UCK2: variants seen among roughly 807,000 people sequenced by gnomAD.
The protein encoded by UCK2 is cytidine monophosphokinase 2.
Under a neutral mutation model 30.8 loss-of-function variants are expected in UCK2, and 6 were observed. The ratio of observed to expected loss-of-function variants is 0.19; its 90% CI spans 0.11 to 0.38. The LOEUF is 0.38. Among genes scored for constraint, UCK2 ranks in the 10% least tolerant of loss-of-function variants. UCK2 has a pLI of 1.00. For missense variants in UCK2, 210 were observed against 339.8 expected (o/e 0.62, Z 3.00); for synonymous variants, 125 against 133.6 (o/e 0.94, Z 0.45).
rs183001311 is a variant in UCK2, at chr1:165,867,704, C to A, written c.100-22500C>A. On this transcript the variant is annotated intron_variant, in intron 1 of 6. Coordinates refer to ENST00000367879, the MANE Select transcript of UCK2 (RefSeq NM_012474.5). Reference sequence around the variant, plus strand: ...TCAGTCACATCTTCAGGTTCCACTTCTAATTCTAGTTCTCTTGCTGTTTCC... The same window carrying A: ...TCAGTCACATCTTCAGGTTCCACTTATAATTCTAGTTCTCTTGCTGTTTCC... Among the ~76,000 whole-genome samples, 14 of 152,352 alleles carry A rather than the reference C, an allele frequency of 9.2e-5. 1 individual carries two copies. The highest frequency in any genetic ancestry group is 8.5e-4 in the Admixed American group (13 of 15,304).
At chr1:165,850,238 C>G (rs1654553493) in intron 1 of UCK2, among the ~76,000 whole-genome samples, 1 of 151,948 alleles carries the variant, frequency 6.6e-6, no homozygotes, top group Non-Finnish European at 1.5e-5. Context: ...TCAAGCGATT[C>G]TCCTGCCTCA....
At chr1:165,843,623 A>G (rs1654380735) in intron 1 of UCK2, among the ~76,000 whole-genome samples, 1 of 152,088 alleles carries the variant, frequency 6.6e-6, no homozygotes. Context: ...TACAAAAAAT[A>G]AGTAATGAGC....
Position 165,890,702 on chromosome 1 carries a change from C to T in UCK2, c.259+339C>T. 1.3e-5 allele frequency: 4 copies of T among 299,088 alleles called. No homozygotes were observed. In the South Asian group the frequency reaches 1.5e-4, roughly 12 times the overall value. 18.5% of individuals were successfully genotyped at this position (299,088 alleles called of 1,614,324 possible). On this transcript the variant is annotated intron_variant, in intron 2 of 6. Coordinates refer to ENST00000367879, the MANE Select transcript of UCK2 (RefSeq NM_012474.5). ...TCTGAGGCAGCCCTCGTCAGACCCT[C>T]CTCCTCAGGTGTACATGTGTGTTCA...
intron 4 of UCK2, among the ~76,000 whole-genome samples, chr1:165,898,705 T>A (rs1028611142): frequency 6.6e-6 from 1 of 152,190 alleles, no homozygotes; most frequent in African/African-American, 2.4e-5. Context: ...TTCAAACAGA[T>A]CATCACGGTG....
intron 1 of UCK2, among the ~76,000 whole-genome samples, chr1:165,838,174 A>C (rs1160269340): frequency 6.6e-6 from 1 of 152,210 alleles, no homozygotes; most frequent in Non-Finnish European, 1.5e-5. Context: ...GGTCATCATC[A>C]TCTGTCAGTT....
At chr1:165,838,046 G>A (rs1454824351) in intron 1 of UCK2, among the ~76,000 whole-genome samples, 5 of 152,178 alleles carry the variant, frequency 3.3e-5, no homozygotes, top group Non-Finnish European at 5.9e-5. Flanking sequence ...AAACATGTTT[G>A]CATTCATAAT....
chr1:165,847,078 A>G (rs1654467774), intron 1 of UCK2, among the ~76,000 whole-genome samples: 1 of 152,150 alleles, frequency 6.6e-6, no homozygotes, highest in Non-Finnish European at 1.5e-5. Context: ...GTGTGCTTGT[A>G]TATTGTTAAA....
In UCK2 at chr1:165,905,862, G is replaced by A. The variant is rs903652619; in HGVS notation, c.598-59G>A. ...CCTTTCCCCATATTCCCTTGGAGAGGGTCTCGGGCCAGTTGTCTCTTAACT... is the reference window on the plus strand; with the variant it reads ...CCTTTCCCCATATTCCCTTGGAGAGAGTCTCGGGCCAGTTGTCTCTTAACT... On this transcript the variant is annotated intron_variant, in intron 5 of 6. Coordinates refer to ENST00000367879, the MANE Select transcript of UCK2 (RefSeq NM_012474.5). The A allele has an allele frequency of 3.9e-6, 6 of 1,530,390 alleles. No homozygotes were observed. The African/African-American group carries it at 8.2e-5, about 21-fold the overall frequency. The allele number at this position is 1,530,390 out of a possible 1,614,324, so 94.8% of individuals were successfully genotyped here. A position where few individuals can be genotyped will look rare whatever the true frequency, so the allele number is the denominator to read the frequency against.
rs142466192 is a variant in UCK2, at chr1:165,860,947, G to A, written c.100-29257G>A. Among the ~76,000 whole-genome samples, 877 of 152,204 alleles carry A rather than the reference G, an allele frequency of 5.8e-3. 7 individuals are homozygous for A. The highest frequency in any genetic ancestry group is 0.02 in the Middle Eastern group (6 of 294). ...GCTTTGTTGAGAAAAATAAAAGAAA[G>A]CATCTGTCCAGTCTACTATAATAAA... On this transcript the variant is annotated intron_variant, in intron 1 of 6. Coordinates refer to ENST00000367879, the MANE Select transcript of UCK2 (RefSeq NM_012474.5).
intron 1 of UCK2, among the ~76,000 whole-genome samples, chr1:165,829,183 C>T (rs749483766): frequency 6.6e-6 from 1 of 152,142 alleles, no homozygotes; most frequent in East Asian, 1.9e-4. Flanking sequence ...TGATCTCGTC[C>T]GTAGCTCCCG....
intron 1 of UCK2, among the ~76,000 whole-genome samples, chr1:165,882,088 G>A (rs1655513948): frequency 2.6e-5 from 4 of 152,116 alleles, no homozygotes; most frequent in South Asian, 2.1e-4. Context: ...CTTTCTCTAC[G>A]GAGAGCTTGG....
chr1:165,860,372 A>G (rs1654864863), intron 1 of UCK2, among the ~76,000 whole-genome samples: 1 of 151,976 alleles, frequency 6.6e-6, no homozygotes, highest in Admixed American at 6.5e-5. Context: ...AGTAGAGGGG[A>G]CTGTGACCTA....
intron 1 of UCK2, among the ~76,000 whole-genome samples, chr1:165,830,567 C>A (rs928487211): frequency 6.6e-6 from 1 of 151,842 alleles, no homozygotes; most frequent in Admixed American, 6.6e-5. Flanking sequence ...CCTTGTGATC[C>A]GCCCGCCTCG....
At position 165,901,247 on chromosome 1, in the gene UCK2, T is replaced by C. The variant is rs779226693; in HGVS notation, c.500-1935T>C. ...CACATTAGCGATCAGCCAACTGTTTTATTACCAGGTCTCCCATGGAGAAAA... is the reference window on the plus strand; with the variant it reads ...CACATTAGCGATCAGCCAACTGTTTCATTACCAGGTCTCCCATGGAGAAAA... On this transcript the variant is annotated intron_variant, in intron 4 of 6. Coordinates refer to ENST00000367879, the MANE Select transcript of UCK2 (RefSeq NM_012474.5). Among the ~76,000 whole-genome samples, 61 of 152,208 alleles carry C rather than the reference T, an allele frequency of 4.0e-4. 1 individual carries two copies. Among genetic ancestry groups the C allele is most frequent in the Non-Finnish European group, 8.1e-4 (55 of 68,040 alleles).
At chr1:165,850,732 C>T (rs1654572107) in intron 1 of UCK2, among the ~76,000 whole-genome samples, 1 of 151,414 alleles carries the variant, frequency 6.6e-6, no homozygotes, top group Non-Finnish European at 1.5e-5. Flanking sequence ...CATTCTCCTG[C>T]CTCAGCCTCC....
chr1:165,874,308 T>C (rs1475092453), intron 1 of UCK2, among the ~76,000 whole-genome samples: 1 of 152,014 alleles, frequency 6.6e-6, no homozygotes, highest in Non-Finnish European at 1.5e-5. Context: ...TTGACTCCAA[T>C]AGGGATGACA....
chr1:165,838,505 CATT>C (rs1654251057), intron 1 of UCK2, among the ~76,000 whole-genome samples: 1 of 152,132 alleles, frequency 6.6e-6, no homozygotes, highest in South Asian at 2.1e-4. Flanking sequence ...AAATTGTAAA[CATT>C]AGACACTCAA....
intron 1 of UCK2, among the ~76,000 whole-genome samples, chr1:165,879,262 C>A (rs1300852226): frequency 6.6e-6 from 1 of 152,158 alleles, no homozygotes; most frequent in Non-Finnish European, 1.5e-5. Context: ...ATTCTCCCAG[C>A]CTGTATCTTG....
At chr1:165,871,460 C>T (rs1459972832) in intron 1 of UCK2, among the ~76,000 whole-genome samples, 2 of 152,116 alleles carry the variant, frequency 1.3e-5, no homozygotes, top group Non-Finnish European at 1.5e-5. Flanking sequence ...GACACAGCTG[C>T]AGGTCTTTTG....
Sources: gnomAD v4.1 joint callset for allele counts (sites outside exome capture counted in the v4.1 genomes callset) on GRCh38, gnomAD v4.1.1 for gene constraint, MANE v1.5 for transcripts, NCBI Gene and HGNC (gene_info 2026-07-23, HGNC 2026-07-21) for gene names.